Variants in ZMYM2 observed in about 807,000 individuals in gnomAD.
ZMYM2 encodes zinc finger MYM-type containing 2, also known as zinc finger MYM-type protein 2.
ZMYM2 carries 56 observed loss-of-function variants against 162.8 expected under a neutral mutation model. That is an observed-to-expected ratio of 0.34 (90% confidence interval 0.28 to 0.43). ZMYM2 has a LOEUF of 0.43. Among genes scored for constraint, ZMYM2 ranks in the 20% least tolerant of loss-of-function variants. The pLI, the probability that ZMYM2 is intolerant of heterozygous loss-of-function variation, is 1.00. For missense variants in ZMYM2, 1,275 were observed against 1,621.8 expected (o/e 0.79, Z 3.67); for synonymous variants, 510 against 541.6 (o/e 0.94, Z 0.81).
the ZMYM2 span, among the ~76,000 whole-genome samples, chr13:19,896,149 TC>T: frequency 6.6e-6 from 1 of 151,302 alleles, no homozygotes; most frequent in East Asian, 2.0e-4. Flanking sequence ...TTTAATTCTT[TC>T]GGGTATGTTG....
At chr13:19,956,793 A>G (rs1259845523), upstream of ZMYM2, among the ~76,000 whole-genome samples, 1 of 152,272 alleles carries the variant, frequency 6.6e-6, no homozygotes, top group Admixed American at 6.5e-5. Flanking sequence ...TGTAAATTCA[A>G]TGAGCTGAAG....
chr13:19,961,617 G>C (rs988940830), intron 2 of ZMYM2, among the ~76,000 whole-genome samples: 1 of 152,010 alleles, frequency 6.6e-6, no homozygotes, highest in East Asian at 1.9e-4. Context: ...CTTGATAATT[G>C]GTTGTGTTTA....
intron 6 of ZMYM2, among the ~76,000 whole-genome samples, chr13:20,017,333 T>G (rs536470601): frequency 6.0e-4 from 91 of 152,340 alleles, no homozygotes; most frequent in African/African-American, 2.1e-3. Flanking sequence ...TGTCTTACTG[T>G]TTCTCTAGGC....
At chr13:20,022,022 G>A (rs1379881221) in intron 7 of ZMYM2, among the ~76,000 whole-genome samples, 1 of 152,114 alleles carries the variant, frequency 6.6e-6, no homozygotes, top group Non-Finnish European at 1.5e-5. Flanking sequence ...GCTACTTCTA[G>A]GCCTCAAGCT....
At chr13:19,865,840 A>G in the ZMYM2 span, among the ~76,000 whole-genome samples, 12 of 152,222 alleles carry the variant, frequency 7.9e-5, 1 homozygote, top group Admixed American at 7.8e-4. Context: ...TCAACAAGAT[A>G]GTGTCATTTA....
chr13:20,053,183 T>C (rs1362802978), intron 14 of ZMYM2, among the ~76,000 whole-genome samples: 1 of 152,236 alleles, frequency 6.6e-6, no homozygotes, highest in Non-Finnish European at 1.5e-5. Flanking sequence ...CTGCTATTTC[T>C]GGCATCCTTA....
At chr13:20,083,072 T>C (rs772142203) in intron 23 of ZMYM2, 40 bp downstream of exon 23, 1 of 1,482,002 alleles carries the variant, frequency 6.7e-7, no homozygotes, top group Admixed American at 2.4e-5. Flanking sequence ...TATTTTTAAA[T>C]TTTTTTTGAG....
chr13:20,062,392 A>G (rs976016651), intron 17 of ZMYM2, among the ~76,000 whole-genome samples: 2 of 152,254 alleles, frequency 1.3e-5, no homozygotes, highest in Non-Finnish European at 2.9e-5. Flanking sequence ...TTACAACACA[A>G]AAACACTTGA....
the ZMYM2 span, among the ~76,000 whole-genome samples, chr13:19,871,144 T>C: frequency 0.016 from 2,428 of 152,280 alleles, 56 homozygotes; most frequent in African/African-American, 0.056. Context: ...ATAGACATTA[T>C]GCTTGCCTAT....
chr13:19,928,328 A>C, the ZMYM2 span, among the ~76,000 whole-genome samples: 1 of 152,074 alleles, frequency 6.6e-6, no homozygotes, highest in African/African-American at 2.4e-5. Context: ...GATTTGTAGG[A>C]ATATTTAAAA....
chr13:20,085,908 C>T lies in ZMYM2; in HGVS notation c.4028C>T (p.Ser1343Phe), dbSNP rs1204299543. 1 of 1,613,826 alleles carries T rather than the reference C, an allele frequency of 6.2e-7. No homozygotes were observed. The highest frequency in any genetic ancestry group is 8.5e-7 in the Non-Finnish European group (1 of 1,179,774). Residue 1343 changes from serine (S) to phenylalanine (F), a missense_variant, in exon 25 of 25, where the codon TCT (serine) becomes TTT (phenylalanine). By Grantham distance (155) the Ser-to-Phe change is radical (BLOSUM62 -2). Around this residue, in one of 10 missense-constraint regions of ZMYM2, gnomAD observed 69 missense variants for 78.4 expected, o/e 0.88. Coordinates refer to ENST00000610343, the MANE Select transcript of ZMYM2 (RefSeq NM_197968.4). ...SSTDSPVWYT[S>F]TSLDRNTLEN... is the part of the protein sequence containing the mutation. ...ACAGATAGCCCTGTCTGGTATACGT[C>T]TACTTCACTGGACCGAAACACCTTG...
At chr13:20,001,809 T>G (rs573343800) in intron 3 of ZMYM2, among the ~76,000 whole-genome samples, 1 of 152,360 alleles carries the variant, frequency 6.6e-6, no homozygotes, top group Non-Finnish European at 1.5e-5. Context: ...GCAGAAAGAT[T>G]ACAGCTTGAT....
intron 6 of ZMYM2, among the ~76,000 whole-genome samples, chr13:20,011,192 A>G (rs1951150180): frequency 6.6e-6 from 1 of 152,168 alleles, no homozygotes; most frequent in African/African-American, 2.4e-5. Context: ...CTATATAGCT[A>G]TAATTTTGTA....
chr13:20,051,593 A>G lies in ZMYM2; in HGVS notation c.2453A>G (p.His818Arg). ...MTTQKGPENLHYDQGCQTSRT... is the reference protein window; with the variant it reads ...MTTQKGPENLRYDQGCQTSRT... ...ACTCAGAAAGGACCTGAAAACTTAC[A>G]TTATGGTATGTAATGATTTAGGTGA... Residue 818 changes from histidine (H) to arginine (R), a missense_variant, in exon 13 of 25, where the codon CAT (histidine) becomes CGT (arginine). Transcript: ENST00000610343. 2.5e-6 allele frequency: 4 copies of G among 1,611,364 alleles called. No homozygotes were observed. Among genetic ancestry groups the G allele is most frequent in the East Asian group, 2.2e-5 (1 of 44,828 alleles).
At chr13:19,901,153 C>T in the ZMYM2 span, among the ~76,000 whole-genome samples, 1 of 152,058 alleles carries the variant, frequency 6.6e-6, no homozygotes, top group Non-Finnish European at 1.5e-5. Context: ...CAAGAGGATT[C>T]CACCTCCCAA....
chr13:20,012,436 T>G (rs1384905858), intron 6 of ZMYM2, among the ~76,000 whole-genome samples: 2 of 152,150 alleles, frequency 1.3e-5, no homozygotes, highest in Non-Finnish European at 2.9e-5. Context: ...CTTCTCAGCC[T>G]CTCAAAGTGC....
intron 10 of ZMYM2, 125 bp downstream of exon 10, chr13:20,031,560 T>A (rs939517795): frequency 7.9e-6 from 5 of 629,110 alleles, no homozygotes; most frequent in Admixed American, 3.7e-5. Flanking sequence ...GATTTTTTTT[T>A]ATGATTGGAT....
At chr13:19,887,831 C>T in the ZMYM2 span, among the ~76,000 whole-genome samples, 702 of 151,380 alleles carry the variant, frequency 4.6e-3, 22 homozygotes, top group African/African-American at 0.016. Context: ...ATTTCTTGCT[C>T]GAACTGCCTC....
chr13:19,984,203 A>G (rs1948960248), intron 2 of ZMYM2, among the ~76,000 whole-genome samples: 1 of 152,222 alleles, frequency 6.6e-6, no homozygotes, highest in Non-Finnish European at 1.5e-5. Context: ...TTTTCTTGAT[A>G]CAAATATATG....
Sources: allele counts gnomAD v4.1 joint callset (sites outside exome capture counted in the v4.1 genomes callset), GRCh38; gene constraint gnomAD v4.1.1; regional missense constraint gnomAD v4.1.1; transcripts MANE v1.5; gene names NCBI Gene and HGNC (gene_info 2026-07-23, HGNC 2026-07-21).